The following PADI1 variants were observed in gnomAD, a reference collection of about 807,000 sequenced individuals.
PADI1 encodes protein-arginine deiminase type-1.
Under a neutral mutation model 74.8 loss-of-function variants are expected in PADI1, and 65 were observed. The observed-to-expected ratio is 0.87, with a 90% confidence interval of 0.71 to 1.07. The LOEUF (loss-of-function observed/expected upper bound fraction) is 1.07. PADI1 is among the 50% of genes least tolerant of loss of function. The pLI is 0.00. For synonymous variants in PADI1, 371 were observed against 336.2 expected, an observed-to-expected ratio of 1.10 and a Z score of -1.13; for missense variants, 943 against 854.0, an observed-to-expected ratio of 1.10 and a Z score of -1.30.
chr1:17,242,239 G>A (rs1406977614), intron 15 of PADI1, among the ~76,000 whole-genome samples: 2 of 152,148 alleles, frequency 1.3e-5, no homozygotes, highest in African/African-American at 4.8e-5. Context: ...TGCCCTAGTG[G>A]ACAAAATGGA....
chr1:17,228,604 C>G (rs750187529), intron 6 of PADI1, 21 bp from the exon 7 acceptor site: 1 of 1,613,744 alleles, frequency 6.2e-7, no homozygotes, highest in African/African-American at 1.3e-5. Context: ...CTCGCTAGCC[C>G]CTGACTCTTG....
intron 1 of PADI1, 82 bp downstream of exon 1, chr1:17,205,391 T>C: frequency 1.9e-6 from 2 of 1,040,204 alleles, no homozygotes; most frequent in Non-Finnish European, 1.5e-6. Context: ...GGTAGACAAG[T>C]CAGGCACGTT....
At position 17,244,602 on chromosome 1, in the gene PADI1, G is replaced by T. The variant is rs569224563; in HGVS notation, c.*359G>T. 2.6e-6 allele frequency: 1 copy of T among 388,678 alleles called. No individual in the cohort carries two copies. The highest frequency in any genetic ancestry group is 7.0e-5 in the East Asian group (1 of 14,386). The allele number at this position is 388,678 out of a possible 1,614,324, so 24.1% of individuals were successfully genotyped here. On this transcript the variant is annotated 3_prime_UTR_variant, in exon 16 of 16. Transcript: ENST00000375471. ...TTCTGATGCCTCCCTGGGGAACAAG[G>T]ATAATGACTTTGCATCTGCACCTGG...
intron 8 of PADI1, 65 bp downstream of exon 8, chr1:17,229,116 T>G (rs1319426760): frequency 2.5e-5 from 25 of 1,006,062 alleles, no homozygotes; most frequent in Non-Finnish European, 3.3e-5. Flanking sequence ...AGAAGCTGCC[T>G]CAGGGCTGCG....
intron 4 of PADI1, among the ~76,000 whole-genome samples, chr1:17,224,872 C>T (rs1250994684): frequency 6.6e-6 from 1 of 151,868 alleles, no homozygotes; most frequent in Non-Finnish European, 1.5e-5. Context: ...AGAGTGGGCT[C>T]AAGGCGTCAC....
chr1:17,239,892 C>A, intron 14 of PADI1, 109 bp downstream of exon 14: 1 of 802,510 alleles, frequency 1.2e-6, no homozygotes, highest in Non-Finnish European at 2.1e-6. Context: ...TCTCATGGTC[C>A]TGGGGGCTGC....
chr1:17,242,522 G>A (rs2072798532), intron 15 of PADI1, among the ~76,000 whole-genome samples: 1 of 152,238 alleles, frequency 6.6e-6, no homozygotes, highest in African/African-American at 2.4e-5. Flanking sequence ...GGAGGGCCTA[G>A]GCTGGAGCGT....
chr1:17,229,945 G>A (rs565614034), intron 8 of PADI1, 140 bp from the exon 9 acceptor site: 31 of 709,296 alleles, frequency 4.4e-5, no homozygotes, highest in Middle Eastern at 2.6e-4. Flanking sequence ...TTCCCCATGC[G>A]CCTATGAGCC....
rs1332048303 is a variant in PADI1, at chr1:17,244,232, A to G, written c.1981A>G (p.Met661Val). Reference protein sequence around the residue: ...RKPFPFKWWNMVP With the variant: ...RKPFPFKWWNVVP ...GCCCTTTCCCTTCAAATGGTGGAAC[A>G]TGGTGCCCTGAGCCTGCCCCCACCC... The change falls in exon 16 of 16, where the codon ATG becomes GTG. Residue 661 changes from methionine to valine, a missense_variant. Coordinates refer to ENST00000375471, the MANE Select transcript of PADI1 (RefSeq NM_013358.3). The G allele has an allele frequency of 3.1e-6, 5 of 1,613,498 alleles. No individual in the cohort carries two copies. Among genetic ancestry groups the G allele is most frequent in the East Asian group, 2.2e-5 (1 of 44,876 alleles).
chr1:17,228,789 G>A lies in PADI1; in HGVS notation c.817G>A (p.Asp273Asn). The A allele has an allele frequency of 6.2e-7, 1 of 1,613,964 alleles. No individual in the cohort carries two copies. The change falls in exon 7 of 16, where the codon GAC becomes AAC. Residue 273 changes from aspartate (D) to asparagine (N), a missense_variant. By Grantham distance (23) the Asp-to-Asn change is conservative. Coordinates refer to ENST00000375471, the MANE Select transcript of PADI1 (RefSeq NM_013358.3). ...GLVSLSVSLV[D>N]PGTLPEVTLF... Reference sequence around the variant, plus strand: ...GGTTTCCCTCAGTGTCAGCCTGGTGGACCCGGGGGTGTGTACAGCACTGGG... The same window carrying A: ...GGTTTCCCTCAGTGTCAGCCTGGTGAACCCGGGGGTGTGTACAGCACTGGG...
chr1:17,210,614 G>A (rs1180058646), intron 1 of PADI1, among the ~76,000 whole-genome samples: 1 of 151,992 alleles, frequency 6.6e-6, no homozygotes, highest in Non-Finnish European at 1.5e-5. Flanking sequence ...CAATGACAGG[G>A]CATAAGGCAC....
chr1:17,206,441 T>C (rs1298951903), intron 1 of PADI1, among the ~76,000 whole-genome samples: 1 of 152,050 alleles, frequency 6.6e-6, no homozygotes, highest in Non-Finnish European at 1.5e-5. Flanking sequence ...TGACTCTAAG[T>C]TGCTGCTGGG....
chr1:17,226,306 C>A, intron 6 of PADI1, 148 bp downstream of exon 6: 2 of 851,572 alleles, frequency 2.3e-6, no homozygotes, highest in Non-Finnish European at 3.7e-6. Context: ...ATATAGTCCT[C>A]AAGGAGGAGG....
chr1:17,226,199 ATATC>A, intron 6 of PADI1, 41 bp downstream of exon 6: 1 of 1,601,888 alleles, frequency 6.2e-7, no homozygotes. Context: ...AGCTCCATCC[ATATC>A]TATCCTCTCC....
intron 1 of PADI1, among the ~76,000 whole-genome samples, chr1:17,219,841 A>G (rs2072086534): frequency 6.6e-6 from 1 of 152,094 alleles, no homozygotes; most frequent in South Asian, 2.1e-4. Context: ...AGCAGTCACC[A>G]GGGAGATGGC....
intron 6 of PADI1, among the ~76,000 whole-genome samples, 162 bp from the exon 7 acceptor site, chr1:17,228,463 G>A (rs1157782328): frequency 6.6e-6 from 1 of 152,258 alleles, no homozygotes; most frequent in Non-Finnish European, 1.5e-5. Flanking sequence ...CTGAGGCTTA[G>A]AGAGGTTGAG....
At chr1:17,225,088 A>G (rs1189461878) in intron 4 of PADI1, among the ~76,000 whole-genome samples, 1 of 152,180 alleles carries the variant, frequency 6.6e-6, no homozygotes, top group Admixed American at 6.5e-5. Flanking sequence ...GCCCTGCTGC[A>G]GAGTGGCATC....
intron 10 of PADI1, among the ~76,000 whole-genome samples, chr1:17,232,368 G>A (rs1240003584): frequency 2.0e-5 from 3 of 152,238 alleles, no homozygotes; most frequent in South Asian, 2.1e-4. Flanking sequence ...ACCCCCTGAG[G>A]AGCTGGGAGC....
chr1:17,240,678 G>A lies in PADI1; in HGVS notation c.1676G>A (p.Gly559Asp). ...CGTAATGTGCTGAAGCGGGAGCTGG[G>A]CCTGGCAGAGAGTGACATCGTGGAC... ...WNRNVLKRELGLAESDIVDIP... is the reference protein window; with the variant it reads ...WNRNVLKRELDLAESDIVDIP... The change falls in exon 15 of 16, where the codon GGC becomes GAC. Residue 559 changes from glycine to aspartate, a missense_variant. Gly to Asp is a moderately conservative substitution (Grantham distance 94). Coordinates refer to ENST00000375471, the MANE Select transcript of PADI1 (RefSeq NM_013358.3). The A allele has an allele frequency of 3.1e-6, 5 of 1,614,160 alleles. No homozygotes were observed. Among genetic ancestry groups the A allele is most frequent in the Admixed American group, 3.3e-5 (2 of 60,028 alleles).
Sources: allele counts gnomAD v4.1 joint callset (sites outside exome capture counted in the v4.1 genomes callset), GRCh38; gene constraint gnomAD v4.1.1; transcripts MANE v1.5; gene names NCBI Gene and HGNC (gene_info 2026-07-23, HGNC 2026-07-21).